The following PTPN20 variants were observed in gnomAD, a reference collection of about 807,000 sequenced individuals.
PTPN20 encodes the protein tyrosine-protein phosphatase non-receptor type 20.
A neutral mutation model predicts 35.0 loss-of-function variants in PTPN20; 9 were observed. The observed-to-expected ratio is 0.26, with a 90% CI of 0.15 to 0.45. The LOEUF is 0.45. Ranked by LOEUF, PTPN20 falls within the 20% of genes least tolerant of loss-of-function variation. PTPN20 has a pLI of 1.00. For missense variants in PTPN20, 111 were observed against 312.5 expected (o/e 0.36, Z 4.86); for synonymous variants, 32 against 100.2 (o/e 0.32, Z 4.06).
At chr10:46,949,610 T>C (rs1241394284) in intron 5 of PTPN20, among the ~76,000 whole-genome samples, 2 of 150,398 alleles carry the variant, frequency 1.3e-5, no homozygotes. Flanking sequence ...CATACTAGCT[T>C]TCTATATTTA....
chr10:46,996,535 T>G (rs1392323423), intron 9 of PTPN20, among the ~76,000 whole-genome samples: 1 of 152,248 alleles, frequency 6.6e-6, no homozygotes, highest in Non-Finnish European at 1.5e-5. Context: ...GGATCATGTT[T>G]TGATATCAAG....
intron 9 of PTPN20, among the ~76,000 whole-genome samples, chr10:46,996,483 T>A (rs2059126847): frequency 6.6e-6 from 1 of 152,246 alleles, no homozygotes; most frequent in African/African-American, 2.4e-5. Context: ...GTTACAGTTT[T>A]TAATTCTGAT....
At chr10:46,981,524 C>A (rs2055390420) in intron 7 of PTPN20, 1 of 144,680 alleles carries the variant, frequency 6.9e-6, no homozygotes, top group Non-Finnish European at 1.5e-5. Context: ...TACACTGGGA[C>A]CACTTCCATA....
rs2138413726 is a variant in PTPN20 at position 47,002,120 on chromosome 10, T to C, written c.*1379T>C. The C allele has an allele frequency of 6.6e-6, 1 of 152,336 alleles. No homozygotes were observed. Among genetic ancestry groups the C allele is most frequent in the African/African-American group, 2.4e-5 (1 of 41,582 alleles). 9.4% of individuals were successfully genotyped at this position (152,336 alleles called of 1,614,324 possible). ...AATAATTATATGCCAAAAATATATT[T>C]GATGTTAAATCAAATAGATGATTCT... On this transcript the variant is annotated 3_prime_UTR_variant, in exon 11 of 11. Coordinates refer to ENST00000374339, the MANE Select transcript of PTPN20 (RefSeq NM_001042357.5).
intron 6 of PTPN20, among the ~76,000 whole-genome samples, chr10:46,967,595 G>C: frequency 6.6e-6 from 1 of 150,582 alleles, no homozygotes; most frequent in Admixed American, 6.6e-5. Context: ...TTGTTATGTT[G>C]TTATTTTTAT....
rs1331255038 is a variant in PTPN20 at position 46,931,535 on chromosome 10, A to G, written c.-123-842A>G. Among the ~76,000 whole-genome samples, 60 of 141,360 alleles carry G rather than the reference A, an allele frequency of 4.2e-4. 10 individuals carry two copies. The highest frequency in any genetic ancestry group is 1.7e-3 in the African/African-American group (57 of 33,302). The allele number at this position is 141,360 out of a possible 152,430, so 92.7% of individuals were successfully genotyped here. ...CTCAGCTTTTCAAGTAGCTGGGACC[A>G]CAGGTGTGTGCCACCACACCCGTCT... On this transcript the variant is annotated intron_variant, in intron 1 of 10. Transcript: ENST00000374339.
chr10:46,999,950 A>G lies in PTPN20; in HGVS notation c.1173A>G (p.Gln391=). 6.2e-7 allele frequency: 1 copy of G among 1,613,818 alleles called. No homozygotes were observed. Among genetic ancestry groups the G allele is most frequent in the Non-Finnish European group, 8.5e-7 (1 of 1,179,736 alleles). The change falls in exon 10 of 11, where the codon CAA becomes CAG. Residue 391 remains glutamine (Q), a synonymous_variant. Coordinates refer to ENST00000374339, the MANE Select transcript of PTPN20 (RefSeq NM_001042357.5). ...IMDIVAQMRE[Q]RSGMVQTKEQ... ...ATATAGTGGCCCAAATGAGAGAACAACGTTCTGGCATGGTTCAAACGAAGG... is the reference window on the plus strand; with the variant it reads ...ATATAGTGGCCCAAATGAGAGAACAGCGTTCTGGCATGGTTCAAACGAAGG...
At chr10:47,000,431 T>TA (rs1336609382) in intron 10 of PTPN20, among the ~76,000 whole-genome samples, 41 of 151,992 alleles carry the variant, frequency 2.7e-4, no homozygotes, top group East Asian at 1.9e-3. Flanking sequence ...TGGATAATGA[T>TA]AAAAAAAACA....
chr10:47,003,438 G>T (rs1432865357), downstream of PTPN20, among the ~76,000 whole-genome samples: 3 of 151,992 alleles, frequency 2.0e-5, no homozygotes, highest in African/African-American at 7.2e-5. Flanking sequence ...ATGATCTTTT[G>T]TTCATACGTT....
chr10:47,003,118 C>G (rs2060133149), downstream of PTPN20, among the ~76,000 whole-genome samples: 1 of 151,982 alleles, frequency 6.6e-6, no homozygotes, highest in South Asian at 2.1e-4. Context: ...TGATGGATTG[C>G]TCACTGGAAC....
Position 46,951,030 on chromosome 10 carries a change from C to G in PTPN20, c.340+4355C>G, listed in dbSNP as rs1358076830. 4.1e-5 allele frequency among the ~76,000 whole-genome samples: 6 copies of G among 147,816 alleles called. 1 individual carries two copies. The highest frequency in any genetic ancestry group is 1.6e-4 in the African/African-American group (6 of 37,884). ...CAGTATATATATTTACATGTATTTC[C>G]TAAGTACTGGTACTTTGATTTTGGT... On this transcript the variant is annotated intron_variant, in intron 5 of 10. Coordinates refer to ENST00000374339, the MANE Select transcript of PTPN20 (RefSeq NM_001042357.5).
chr10:46,920,295 G>A (rs1297987824), intron 1 of PTPN20, among the ~76,000 whole-genome samples: 3 of 97,760 alleles, frequency 3.1e-5, no homozygotes, highest in East Asian at 6.7e-4. Flanking sequence ...GGCCATATAT[G>A]CAAAATAACC....
chr10:46,976,428 A>T lies in PTPN20; in HGVS notation c.584-7802A>T, dbSNP rs1326585904. 5.4e-4 allele frequency among the ~76,000 whole-genome samples: 66 copies of T among 122,630 alleles called. No individual in the cohort carries two copies. The South Asian group carries it at 0.02, about 37-fold the overall frequency. The allele number at this position is 122,630 out of a possible 152,430, so 80.5% of individuals were successfully genotyped here. On this transcript the variant is annotated intron_variant, in intron 7 of 10. Transcript: ENST00000374339. Reference sequence around the variant, plus strand: ...TTTTTTTTTTTTTTTTATCCTGATAAACGAATATCCTTGTTGGTTTTAGGA... The same window carrying T: ...TTTTTTTTTTTTTTTTATCCTGATATACGAATATCCTTGTTGGTTTTAGGA...
At chr10:46,994,322 CTT>C (rs36049729) in intron 9 of PTPN20, among the ~76,000 whole-genome samples, 82 of 66,272 alleles carry the variant, frequency 1.2e-3, no homozygotes, top group Admixed American at 4.2e-3. Context: ...CTCTGATGCT[CTT>C]TTTTTTTTTT....
At chr10:47,000,644 C>A in intron 10 of PTPN20, 32 bp from the exon 11 acceptor site, 1 of 1,608,946 alleles carries the variant, frequency 6.2e-7, no homozygotes, top group Non-Finnish European at 8.5e-7. Context: ...AATTACTTAA[C>A]ATTCTGTTGT....
intron 7 of PTPN20, among the ~76,000 whole-genome samples, chr10:46,975,874 T>C (rs1159947119): frequency 6.6e-6 from 1 of 151,180 alleles, no homozygotes; most frequent in African/African-American, 2.4e-5. Context: ...TTGGTCAGGC[T>C]GGTCTCGAAC....
At chr10:46,978,845 C>G (rs1483087241) in intron 7 of PTPN20, among the ~76,000 whole-genome samples, 8 of 148,276 alleles carry the variant, frequency 5.4e-5, no homozygotes, top group Non-Finnish European at 1.2e-4. Context: ...TCAGAACAGT[C>G]TGACCTGTAG....
chr10:46,948,944 T>C, intron 5 of PTPN20, among the ~76,000 whole-genome samples: 2 of 149,458 alleles, frequency 1.3e-5, no homozygotes, highest in Admixed American at 1.3e-4. Context: ...CTTAGTGTAG[T>C]GGTAGGAGTT....
intron 7 of PTPN20, chr10:46,981,258 A>G (rs1352864368): frequency 7.0e-6 from 1 of 142,158 alleles, no homozygotes; most frequent in Non-Finnish European, 1.5e-5. Flanking sequence ...GACATGCTCT[A>G]TGAATATCAG....
Sources: gnomAD v4.1 joint callset for allele counts (sites outside exome capture counted in the v4.1 genomes callset) on GRCh38, gnomAD v4.1.1 for gene constraint, MANE v1.5 for transcripts, NCBI Gene and HGNC (gene_info 2026-07-23, HGNC 2026-07-21) for gene names.